Variants in DNAH7 observed in about 807,000 individuals in gnomAD.
DNAH7 encodes dynein axonemal heavy chain 7.
In DNAH7, 397 loss-of-function variants were observed where a neutral mutation model predicts 444.6. That is an observed-to-expected ratio of 0.89 (90% CI 0.82 to 0.97). The LOEUF is 0.97. DNAH7 is among the 50% of genes least tolerant of loss of function. DNAH7 has a pLI of 0.00. For missense variants in DNAH7, 4,902 were observed against 4,800.8 expected (o/e 1.02, Z -0.62); for synonymous variants, 1,636 against 1,624.4 (o/e 1.01, Z -0.17).
chr2:195,931,302 A>C (rs536575501), intron 21 of DNAH7, among the ~76,000 whole-genome samples: 6 of 152,046 alleles, frequency 3.9e-5, no homozygotes, highest in Non-Finnish European at 8.8e-5. Flanking sequence ...GTTTGAGTTC[A>C]TTGTAGATTC....
In DNAH7 at chr2:195,778,633, T is replaced by TAAA. The variant is rs1187749777; in HGVS notation, c.10879-651_10879-649dup. On this transcript the variant is annotated intron_variant, in intron 58 of 64. Transcript: ENST00000312428. The stretch of plus-strand genomic sequence containing the variant: ...GACCCTGTCTGAAAAAAAAAAAAAA[T>TAAA]AAATAAATAAATATATATATATATA... Among the ~76,000 whole-genome samples the TAAA allele has an allele frequency of 1.7e-4, 5 of 30,292 alleles. 1 individual carries two copies. In the Admixed American group the frequency reaches 2.1e-3, roughly 13 times the overall value. The allele number at this position is 30,292 out of a possible 152,430, so 19.9% of individuals were successfully genotyped here. A position where few individuals can be genotyped will look rare whatever the true frequency, so the allele number is the denominator to read the frequency against.
intron 63 of DNAH7, among the ~76,000 whole-genome samples, chr2:195,749,081 A>T (rs1445101359): frequency 6.6e-6 from 1 of 151,756 alleles, no homozygotes; most frequent in Non-Finnish European, 1.5e-5. Context: ...TTCGCAACCT[A>T]CTCATCTGAC....
At chr2:195,895,249 T>C (rs371187812) in intron 29 of DNAH7, 25 bp from the exon 30 acceptor site, 21 of 1,500,416 alleles carry the variant, frequency 1.4e-5, no homozygotes, top group Admixed American at 1.9e-5. Context: ...TTTGAAGGAT[T>C]TACATTTTAT....
intron 30 of DNAH7, chr2:195,893,119 G>GT (rs142339898): frequency 0.089 from 13,286 of 149,758 alleles, 907 homozygotes; most frequent in East Asian, 0.28. Flanking sequence ...AATTTTTTGT[G>GT]TTTTTTTTTA....
intron 49 of DNAH7, 57 bp from the exon 50 acceptor site, chr2:195,817,886 C>T (rs1480280862): frequency 1.5e-6 from 2 of 1,353,526 alleles, no homozygotes; most frequent in Non-Finnish European, 1.0e-6. Context: ...AAAGTCTCTG[C>T]TTTTATGTGT....
chr2:195,796,772 T>G, intron 55 of DNAH7, 35 bp from the exon 56 acceptor site: 1 of 1,575,106 alleles, frequency 6.3e-7, no homozygotes, highest in African/African-American at 1.4e-5. Flanking sequence ...TTATTTAAAA[T>G]CACATTTTAA....
chr2:196,065,139 C>A lies in DNAH7; in HGVS notation c.15+3558G>T, dbSNP rs372925588. On this transcript the variant is annotated intron_variant, in intron 1 of 64. Transcript: ENST00000312428. ...TTTCTTAAAAATTATCGTAAACAAT[C>A]TTGACCTTTTTTCTACCATGTGAAA... is the stretch of plus-strand genomic sequence containing the variant. 2.6e-5 allele frequency among the ~76,000 whole-genome samples: 4 copies of A among 152,168 alleles called. 1 individual carries two copies.
intron 44 of DNAH7, among the ~76,000 whole-genome samples, chr2:195,856,637 C>T (rs1462286): frequency 6.6e-6 from 1 of 151,854 alleles, no homozygotes; most frequent in African/African-American, 2.4e-5. Context: ...ATAATAATTA[C>T]CCTGTTTTGC....
intron 19 of DNAH7, among the ~76,000 whole-genome samples, chr2:195,943,832 G>A (rs1312340020): frequency 6.6e-6 from 1 of 152,130 alleles, no homozygotes; most frequent in Non-Finnish European, 1.5e-5. Flanking sequence ...AGCTCACTGT[G>A]CACATAGTGG....
intron 12 of DNAH7, among the ~76,000 whole-genome samples, chr2:195,992,650 A>T (rs1291325555): frequency 6.6e-6 from 1 of 152,152 alleles, no homozygotes; most frequent in East Asian, 1.9e-4. Flanking sequence ...TTTGTTCTTT[A>T]TCTGACTCCC....
rs371365267 is a variant in DNAH7 at position 195,922,079 on chromosome 2, A to G, written c.3935+9T>C. 8.0e-6 allele frequency: 12 copies of G among 1,494,606 alleles called. No individual in the cohort carries two copies. The highest frequency in any genetic ancestry group is 1.4e-5 in the African/African-American group (1 of 72,454). The allele number at this position is 1,494,606 out of a possible 1,614,324, so 92.6% of individuals were successfully genotyped here. ...TATTTCCAATAGATCCTTAAATTAA[A>G]GGGTTTACCTGTAACATCTATCCGT... On this transcript the variant is annotated intron_variant, in intron 24 of 64. Coordinates refer to ENST00000312428, the MANE Select transcript of DNAH7 (RefSeq NM_018897.3).
In DNAH7 at chr2:195,934,613, ACT is replaced by A. The variant is rs747030367; in HGVS notation, c.3447_3448del (p.Arg1149SerfsTer4). The A allele has an allele frequency of 5.0e-6, 8 of 1,613,880 alleles. No homozygotes were observed. Among genetic ancestry groups the A allele is most frequent in the Non-Finnish European group, 6.8e-6 (8 of 1,179,966 alleles). ...TACCTTGTGGATGGAGTTAATCATA[ACT>A]CTCTCTAATTCAACCAACCACTTCT... On this transcript the variant is annotated frameshift_variant, in exon 21 of 65. Transcript: ENST00000312428. LOFTEE classifies it high-confidence loss of function.
At chr2:195,942,110 G>A (rs547442396) in intron 19 of DNAH7, among the ~76,000 whole-genome samples, 1 of 152,138 alleles carries the variant, frequency 6.6e-6, no homozygotes, top group Non-Finnish European at 1.5e-5. Flanking sequence ...TATATAGTAA[G>A]GTAGATGATA....
chr2:195,791,561 T>C (rs963598147), intron 57 of DNAH7, among the ~76,000 whole-genome samples: 51 of 152,240 alleles, frequency 3.3e-4, no homozygotes, highest in African/African-American at 1.2e-3. Flanking sequence ...ACTGTGTGTA[T>C]ATCCAGAGAA....
intron 46 of DNAH7, among the ~76,000 whole-genome samples, chr2:195,847,123 T>TAC: frequency 6.8e-6 from 1 of 147,642 alleles, no homozygotes; most frequent in African/African-American, 2.5e-5. Context: ...ATATCGGATA[T>TAC]ATATATATCT....
intron 12 of DNAH7, chr2:195,995,338 G>A (rs781747164): frequency 1.9e-6 from 1 of 517,854 alleles, no homozygotes; most frequent in South Asian, 1.4e-5. Flanking sequence ...AAGACCCCAT[G>A]GAGAGACTGG....
Position 195,864,214 on chromosome 2 carries a change from C to T in DNAH7, c.7441G>A (p.Ala2481Thr), listed in dbSNP as rs778772421. The T allele has an allele frequency of 6.2e-7, 1 of 1,614,152 alleles. No individual in the cohort carries two copies. Among genetic ancestry groups the T allele is most frequent in the Non-Finnish European group, 8.5e-7 (1 of 1,180,000 alleles). The change falls in exon 41 of 65, where the codon GCA (alanine) becomes ACA (threonine). Residue 2481 changes from alanine (A) to threonine (T), a missense_variant. Ala to Thr is a moderately conservative substitution (Grantham distance 58). Transcript: ENST00000312428. ...VVLAMSPIGDAFRNRLRKFPA... is the reference protein window; with the variant it reads ...VVLAMSPIGDTFRNRLRKFPA... Reference sequence around the variant, plus strand: ...AACTTTCTAAGACGATTCCGAAATGCATCTCCAATGGGACTCATGGCAAGG... The same window carrying T: ...AACTTTCTAAGACGATTCCGAAATGTATCTCCAATGGGACTCATGGCAAGG...
chr2:195,952,274 C>A (rs1396276271), intron 19 of DNAH7, among the ~76,000 whole-genome samples: 1 of 152,182 alleles, frequency 6.6e-6, no homozygotes, highest in Non-Finnish European at 1.5e-5. Context: ...TCTTTTCTGG[C>A]TTGGAGGGCT....
intron 48 of DNAH7, 103 bp from the exon 49 acceptor site, chr2:195,824,548 G>C (rs1217801503): frequency 2.1e-6 from 2 of 966,740 alleles, no homozygotes; most frequent in Non-Finnish European, 2.9e-6. Flanking sequence ...GATAAATTCT[G>C]TTCCTAGATA....
Sources: gnomAD v4.1 joint callset for allele counts (sites outside exome capture counted in the v4.1 genomes callset) on GRCh38, gnomAD v4.1.1 for gene constraint, MANE v1.5 for transcripts, NCBI Gene and HGNC (gene_info 2026-07-23, HGNC 2026-07-21) for gene names.